Variants in SLC4A5 observed in about 807,000 individuals in gnomAD.
SLC4A5 encodes the protein electrogenic sodium bicarbonate cotransporter 4.
In SLC4A5, 96 loss-of-function variants were observed where a neutral mutation model predicts 120.4. The ratio of observed to expected loss-of-function variants is 0.80; its 90% CI spans 0.68 to 0.94. SLC4A5 has a LOEUF of 0.94. Among genes scored for constraint, SLC4A5 ranks in the 40% least tolerant of loss-of-function variants. The probability of loss-of-function intolerance (pLI) is 0.00; values close to 1 mark genes in which losing one functional copy is unlikely to be tolerated. For missense variants in SLC4A5, 1,259 were observed against 1,459.5 expected (o/e 0.86, Z 2.24); for synonymous variants, 550 against 571.1 (o/e 0.96, Z 0.53).
Position 74,300,160 on chromosome 2 carries a change from T to C in SLC4A5, c.271+4329A>G, listed in dbSNP as rs114633542. ...CATTTATATGTGGAATCTGAAAAAG[T>C]TGAACTCATAGAAACAGAGGGCAGA... On this transcript the variant is annotated intron_variant, in intron 7 of 30. Transcript: ENST00000394019. Among the ~76,000 whole-genome samples the C allele has an allele frequency of 7.9e-3, 1,196 of 152,312 alleles. 23 individuals carry two copies. The highest frequency in any genetic ancestry group is 0.026 in the African/African-American group (1,068 of 41,558).
intron 18 of SLC4A5, among the ~76,000 whole-genome samples, chr2:74,247,938 T>G (rs1670667501): frequency 6.6e-6 from 1 of 152,146 alleles, no homozygotes; most frequent in African/African-American, 2.4e-5. Flanking sequence ...AGAACAGGGT[T>G]GGAGCAGCCC....
chr2:74,316,521 C>A (rs1330898788), intron 5 of SLC4A5, among the ~76,000 whole-genome samples: 1 of 152,000 alleles, frequency 6.6e-6, no homozygotes, highest in African/African-American at 2.4e-5. Flanking sequence ...CATAACTGAC[C>A]AGCATTTATG....
chr2:74,304,543 G>C, exon 7 of SLC4A5: 1 of 1,614,048 alleles, frequency 6.2e-7, no homozygotes, highest in Non-Finnish European at 8.5e-7. Context: ...CCACTCCCTG[G>C]GCCAGTCAGT....
chr2:74,264,501 T>C (rs896000085), intron 9 of SLC4A5, among the ~76,000 whole-genome samples: 14 of 151,896 alleles, frequency 9.2e-5, no homozygotes, highest in Non-Finnish European at 1.9e-4. Context: ...TGTGTGTGTG[T>C]GTGTGTGTGT....
chr2:74,320,403 G>C (rs1673066734), intron 5 of SLC4A5, among the ~76,000 whole-genome samples: 2 of 151,936 alleles, frequency 1.3e-5, no homozygotes, highest in African/African-American at 4.8e-5. Context: ...AAAGCTTCCA[G>C]AAAAAAATAA....
At chr2:74,216,490 C>T (rs1694449213) in exon 31 of SLC4A5, 1 of 152,208 alleles carries the variant, frequency 6.6e-6, no homozygotes, top group Non-Finnish European at 1.5e-5. Flanking sequence ...AGCATTTCTA[C>T]AATTTAATTT....
At chr2:74,259,411 G>A (rs142869534) in intron 12 of SLC4A5, among the ~76,000 whole-genome samples, 177 bp downstream of exon 12, 106 of 152,224 alleles carry the variant, frequency 7.0e-4, no homozygotes, top group Non-Finnish European at 1.2e-3. Context: ...GTCATTCCCC[G>A]ACTACTGGCC....
intron 4 of SLC4A5, among the ~76,000 whole-genome samples, chr2:74,332,062 T>C (rs1240928282): frequency 1.3e-5 from 2 of 152,186 alleles, no homozygotes; most frequent in Non-Finnish European, 2.9e-5. Flanking sequence ...GAAGCCCAAC[T>C]GTACATTCAA....
At chr2:74,269,582 C>A (rs1056564154) in intron 8 of SLC4A5, among the ~76,000 whole-genome samples, 4 of 152,008 alleles carry the variant, frequency 2.6e-5, no homozygotes, top group African/African-American at 9.7e-5. Context: ...TCCTGAGGAT[C>A]GACCTCCTAT....
At chr2:74,296,616 C>CAAAAAAA (rs1160532512) in intron 7 of SLC4A5, among the ~76,000 whole-genome samples, 2 of 47,482 alleles carry the variant, frequency 4.2e-5, no homozygotes, top group Non-Finnish European at 8.8e-5. Flanking sequence ...ACTAAAAATA[C>CAAAAAAA]AAAAAAAAAA....
At chr2:74,261,093 G>A (rs142893389) in intron 11 of SLC4A5, among the ~76,000 whole-genome samples, 73 of 152,252 alleles carry the variant, frequency 4.8e-4, no homozygotes, top group Non-Finnish European at 9.0e-4. Flanking sequence ...TCCCCTGTGC[G>A]CTGTGTTCTG....
At chr2:74,246,943 C>G in intron 19 of SLC4A5, 93 bp downstream of exon 19, 4 of 1,511,680 alleles carry the variant, frequency 2.6e-6, no homozygotes, top group Non-Finnish European at 3.6e-6. Flanking sequence ...TGAATGGCCC[C>G]TCCCCAGCAG....
At chr2:74,223,288 A>G (rs1168744564) in intron 28 of SLC4A5, among the ~76,000 whole-genome samples, 2 of 152,156 alleles carry the variant, frequency 1.3e-5, no homozygotes, top group Admixed American at 1.3e-4. Context: ...TACAGATGTG[A>G]GCCACCGCGC....
chr2:74,290,818 CT>C, intron 7 of SLC4A5: 1 of 952,884 alleles, frequency 1.0e-6, no homozygotes, highest in Non-Finnish European at 1.2e-6. Flanking sequence ...AAAACTGCCC[CT>C]TTACCCCCTT....
At chr2:74,231,535 G>A (rs527785887) in intron 24 of SLC4A5, among the ~76,000 whole-genome samples, 5 of 152,188 alleles carry the variant, frequency 3.3e-5, no homozygotes, top group Admixed American at 6.5e-5. Flanking sequence ...GAGGGAGGCC[G>A]CTTAGTGTAG....
chr2:74,296,496 C>T (rs1303560600), intron 7 of SLC4A5, among the ~76,000 whole-genome samples: 1 of 151,646 alleles, frequency 6.6e-6, no homozygotes, highest in African/African-American at 2.4e-5. Context: ...GGCACTGTGG[C>T]TCACGTCTGT....
At chr2:74,301,151 T>TG (rs1672466488) in intron 7 of SLC4A5, among the ~76,000 whole-genome samples, 1 of 152,214 alleles carries the variant, frequency 6.6e-6, no homozygotes, top group South Asian at 2.1e-4. Flanking sequence ...CGTGGGTCTC[T>TG]GTGGAAGGAA....
intron 14 of SLC4A5, among the ~76,000 whole-genome samples, chr2:74,253,456 A>G (rs573979053): frequency 3.4e-4 from 52 of 152,330 alleles, no homozygotes; most frequent in African/African-American, 1.2e-3. Context: ...AGCCCAGTCC[A>G]AGGAGCTCAG....
At position 74,224,079 on chromosome 2, in the gene SLC4A5, T is replaced by C. The variant is rs74676194; in HGVS notation, c.3246+761A>G. ...TTTTCTTAATTCCTTCTTAGAAATG[T>C]AGCTACATGTCCATTTTGGGTAAGT... On this transcript the variant is annotated intron_variant, in intron 28 of 30. Transcript: ENST00000394019. Among the ~76,000 whole-genome samples the C allele has an allele frequency of 3.1e-3, 479 of 152,338 alleles. 3 individuals are homozygous for C. The highest frequency in any genetic ancestry group is 0.011 in the African/African-American group (466 of 41,582).
Sources: allele counts gnomAD v4.1 joint callset (sites outside exome capture counted in the v4.1 genomes callset), GRCh38; gene constraint gnomAD v4.1.1; transcripts MANE v1.5; gene names NCBI Gene and HGNC (gene_info 2026-07-23, HGNC 2026-07-21).